The following SIPA1L3 variants were observed in gnomAD, a reference collection of about 807,000 sequenced individuals.
SIPA1L3 encodes the protein signal induced proliferation associated 1 like 3.
A neutral mutation model predicts 150.1 loss-of-function variants in SIPA1L3; 59 were observed. The observed-to-expected ratio is 0.39, with a 90% CI of 0.32 to 0.49. The LOEUF (loss-of-function observed/expected upper bound fraction) is 0.49, where lower values mean the gene tolerates loss of function less well. Among genes scored for constraint, SIPA1L3 ranks in the 20% least tolerant of loss-of-function variants. The pLI is 0.86. For synonymous variants in SIPA1L3, 1,070 were observed against 1,077.6 expected, an observed-to-expected ratio of 0.99 and a Z score of 0.14; for missense variants, 2,211 against 2,489.5, an observed-to-expected ratio of 0.89 and a Z score of 2.38.
chr19:38,157,240 A>G lies in SIPA1L3; in HGVS notation c.3661+4273A>G, dbSNP rs138751285. On this transcript the variant is annotated intron_variant, in intron 13 of 21. Coordinates refer to ENST00000222345, the MANE Select transcript of SIPA1L3 (RefSeq NM_015073.3). ...TCGCAGCAGATGTGGGGGTTTGCCC[A>G]GCCCCGATGGAGCGAGCCATCCTAA... Among the ~76,000 whole-genome samples, 60 of 152,352 alleles carry G rather than the reference A, an allele frequency of 3.9e-4. No homozygotes were observed. The East Asian group carries it at 0.01, about 26-fold the overall frequency.
At chr19:38,072,846 C>A (rs1393273507) in intron 2 of SIPA1L3, among the ~76,000 whole-genome samples, 1 of 152,266 alleles carries the variant, frequency 6.6e-6, no homozygotes, top group African/African-American at 2.4e-5. Flanking sequence ...GAGCTTCTGG[C>A]AGACATTGCA....
In SIPA1L3 at chr19:38,082,193, G is replaced by A. The variant is rs780595342; in HGVS notation, c.628G>A (p.Val210Met). 1.7e-5 allele frequency: 27 copies of A among 1,603,916 alleles called. No individual in the cohort carries two copies. The highest frequency in any genetic ancestry group is 3.3e-4 in the Middle Eastern group (2 of 6,062). The change falls in exon 3 of 22, where the codon GTG becomes ATG. Residue 210 changes from valine (V) to methionine (M), a missense_variant. Val to Met is a conservative substitution (Grantham distance 21). Transcript: ENST00000222345. ...REYGSTSSID[V>M]QGMPEQSFFD... ...GTACGGGAGCACCTCGTCCATCGAC[G>A]TGCAGGGCATGCCCGAGCAGAGCTT... is the stretch of plus-strand genomic sequence containing the variant.
intron 2 of SIPA1L3, among the ~76,000 whole-genome samples, chr19:38,072,870 T>A (rs1440402370): frequency 6.6e-6 from 1 of 152,250 alleles, no homozygotes; most frequent in Non-Finnish European, 1.5e-5. Flanking sequence ...CTCACAGAGT[T>A]GGGCCTTTTG....
chr19:38,182,767 G>A (rs772479149), intron 16 of SIPA1L3, 27 bp downstream of exon 16: 37 of 1,559,902 alleles, frequency 2.4e-5, no homozygotes, highest in Admixed American at 1.2e-4. Context: ...CCAGCGAGGC[G>A]CCCGCCAGAT....
chr19:38,071,584 C>T (rs955397734), intron 2 of SIPA1L3, among the ~76,000 whole-genome samples: 8 of 152,260 alleles, frequency 5.3e-5, no homozygotes, highest in East Asian at 1.9e-4. Context: ...CCACTGTGCC[C>T]AATCAGATAT....
At chr19:38,175,913 GA>G (rs1211124557) in intron 15 of SIPA1L3, among the ~76,000 whole-genome samples, 2 of 152,080 alleles carry the variant, frequency 1.3e-5, no homozygotes, top group African/African-American at 4.8e-5. Flanking sequence ...GCTCCAGAAA[GA>G]AAGAACGTTC....
intron 2 of SIPA1L3, among the ~76,000 whole-genome samples, chr19:38,079,802 C>T (rs947426809): frequency 6.6e-6 from 1 of 152,128 alleles, no homozygotes; most frequent in African/African-American, 2.4e-5. Flanking sequence ...GTGATCCACC[C>T]GCCTTGGCCT....
At chr19:38,075,486 A>G (rs948461847) in intron 2 of SIPA1L3, among the ~76,000 whole-genome samples, 1 of 151,272 alleles carries the variant, frequency 6.6e-6, no homozygotes, top group Non-Finnish European at 1.5e-5. Flanking sequence ...AACTATTTGA[A>G]AAGAACTTGC....
chr19:38,152,886 A>G lies in SIPA1L3; in HGVS notation c.3580A>G (p.Ser1194Gly), dbSNP rs1414575321. The change falls in exon 13 of 22, where the codon AGC (serine) becomes GGC (glycine). Residue 1194 changes from serine (S) to glycine (G), a missense_variant. Physicochemically the swap from Ser to Gly is moderately conservative, Grantham distance 56. Transcript: ENST00000222345. The part of the protein sequence containing the change: ...HPLLSLDPHF[S>G]HDGTSSGDSS... ...CCTGCTATCTCTTGATCCCCACTTC[A>G]GCCACGATGGGACGTCCAGCGGCGA... 1 of 1,613,714 alleles carries G rather than the reference A, an allele frequency of 6.2e-7. No homozygotes were observed. Among genetic ancestry groups the G allele is most frequent in the Admixed American group, 1.7e-5 (1 of 59,954 alleles).
intron 13 of SIPA1L3, among the ~76,000 whole-genome samples, chr19:38,158,366 A>T (rs1971997952): frequency 6.6e-6 from 1 of 152,222 alleles, no homozygotes; most frequent in East Asian, 1.9e-4. Flanking sequence ...AGAACATTCC[A>T]GGGAAAGTGA....
intron 1 of SIPA1L3, among the ~76,000 whole-genome samples, chr19:38,009,890 A>G (rs917222090): frequency 2.0e-5 from 3 of 152,226 alleles, no homozygotes; most frequent in Non-Finnish European, 4.4e-5. Context: ...GCTGTCCAGC[A>G]TGAGGCTTTG....
intron 7 of SIPA1L3, among the ~76,000 whole-genome samples, chr19:38,107,592 C>T (rs867066457): frequency 6.6e-5 from 10 of 152,276 alleles, no homozygotes; most frequent in South Asian, 4.1e-4. Flanking sequence ...AGTAAGTGTA[C>T]GTATTTTCCC....
intron 1 of SIPA1L3, among the ~76,000 whole-genome samples, chr19:38,021,179 C>T (rs1020129674): frequency 3.3e-5 from 5 of 152,204 alleles, no homozygotes; most frequent in South Asian, 2.1e-4. Context: ...TGGCACAGCA[C>T]GTGGCCCCCG....
intron 8 of SIPA1L3, among the ~76,000 whole-genome samples, chr19:38,111,695 G>A (rs1475874561): frequency 6.6e-6 from 1 of 152,192 alleles, no homozygotes; most frequent in Non-Finnish European, 1.5e-5. Context: ...CTGGCTACTG[G>A]GAGCCAGCAC....
intron 15 of SIPA1L3, among the ~76,000 whole-genome samples, chr19:38,165,850 C>G (rs1568587397): frequency 6.6e-6 from 1 of 152,218 alleles, no homozygotes; most frequent in East Asian, 1.9e-4. Context: ...GCACCCTCTA[C>G]CTCCCAGGTT....
chr19:38,122,895 C>T lies in SIPA1L3; in HGVS notation c.2868+3013C>T, dbSNP rs114444031. On this transcript the variant is annotated intron_variant, in intron 9 of 21. Transcript: ENST00000222345. Reference sequence around the variant, plus strand: ...TGAGGCCTCGTTATCTAAGATTGCACACCCCCTCCCCTGGCTTGGAGCACA... The same window carrying T: ...TGAGGCCTCGTTATCTAAGATTGCATACCCCCTCCCCTGGCTTGGAGCACA... 8.7e-4 allele frequency among the ~76,000 whole-genome samples: 133 copies of T among 152,292 alleles called. 1 individual carries two copies. Among genetic ancestry groups the T allele is most frequent in the African/African-American group, 2.9e-3 (121 of 41,564 alleles).
rs749719832 is a variant in SIPA1L3 at position 38,164,622 on chromosome 19, C to T, written c.3924C>T (p.Asp1308=). Residue 1308 remains aspartate (D), a synonymous_variant, in exon 15 of 22, where the codon GAC becomes GAT. Transcript: ENST00000222345. This position sits in a 1 kb window ranked among gnomAD's most constrained non-coding sequence, Gnocchi z 4.1. ...CCCTCTCCAAGGGTGGCTCTAGTGACAGCGGCATCGACACCACCCTCTACA... is the reference window on the plus strand; with the variant it reads ...CCCTCTCCAAGGGTGGCTCTAGTGATAGCGGCATCGACACCACCCTCTACA... ...QDPLSKGGSS[D]SGIDTTLYTS... 1.9e-6 allele frequency: 3 copies of T among 1,613,980 alleles called. No homozygotes were observed. Among genetic ancestry groups the T allele is most frequent in the South Asian group, 2.2e-5 (2 of 91,076 alleles).
At chr19:37,941,071 T>TACACACACACACACACACACAC (rs869026715) in intron 1 of SIPA1L3, among the ~76,000 whole-genome samples, 5 of 133,184 alleles carry the variant, frequency 3.8e-5, no homozygotes, top group African/African-American at 1.1e-4. Context: ...GTTTGAGATG[T>TACACACACACACACACACACAC]ACACACACAC....
At position 38,112,135 on chromosome 19, in the gene SIPA1L3, ACACC is replaced by A. The variant is rs1466922109; in HGVS notation, c.2291+1752_2291+1755del. ...CATACATGCACACACATACAGGTAC[ACACC>A]TGCACACAGGCACATGCATCCACAC... On this transcript the variant is annotated intron_variant, in intron 8 of 21. Transcript: ENST00000222345. Among the ~76,000 whole-genome samples the A allele has an allele frequency of 8.9e-4, 135 of 151,398 alleles. 2 individuals carry two copies. The highest frequency in any genetic ancestry group is 1.0e-3 in the South Asian group (5 of 4,776).
Sources: allele counts gnomAD v4.1 joint callset (sites outside exome capture counted in the v4.1 genomes callset), GRCh38; gene constraint gnomAD v4.1.1; non-coding constraint Gnocchi (gnomAD v3.1); transcripts MANE v1.5; gene names NCBI Gene and HGNC (gene_info 2026-07-23, HGNC 2026-07-21).